The following RASSF9 variants were observed in gnomAD, a reference collection of about 807,000 sequenced individuals.
RASSF9 encodes the protein Ras association domain family member 9.
In RASSF9, 18 loss-of-function variants were observed where a neutral mutation model predicts 21.4. That is an observed-to-expected ratio of 0.84 (90% CI 0.58 to 1.25). The LOEUF is 1.25. RASSF9 is among the 50% of genes most tolerant of loss of function. The pLI is 0.00. For missense variants in RASSF9, 480 were observed against 503.2 expected (o/e 0.95, Z 0.44); for synonymous variants, 183 against 179.1 (o/e 1.02, Z -0.18).
At chr12:85,810,936 T>C (rs753923331) in intron 1 of RASSF9, among the ~76,000 whole-genome samples, 12 of 151,878 alleles carry the variant, frequency 7.9e-5, no homozygotes, top group Non-Finnish European at 1.3e-4. Flanking sequence ...TGTGTGTGTT[T>C]GTTGGGGCTG....
chr12:85,807,628 TC>T (rs113135945), intron 1 of RASSF9, among the ~76,000 whole-genome samples: 1 of 151,566 alleles, frequency 6.6e-6, no homozygotes, highest in African/African-American at 2.4e-5. Flanking sequence ...GACAGATAGA[TC>T]CCCCCTACCC....
chr12:85,823,845 C>T (rs2136560266), intron 1 of RASSF9, among the ~76,000 whole-genome samples: 1 of 152,286 alleles, frequency 6.6e-6, no homozygotes, highest in African/African-American at 2.4e-5. Flanking sequence ...AGCAGAAGAA[C>T]CAGTCTTGCT....
chr12:85,809,519 T>G (rs960475309), intron 1 of RASSF9, among the ~76,000 whole-genome samples: 6 of 152,008 alleles, frequency 3.9e-5, no homozygotes, highest in Admixed American at 1.3e-4. Context: ...CTGACAAAAC[T>G]CTCATGTAAC....
chr12:85,824,141 T>C (rs144449514), intron 1 of RASSF9, among the ~76,000 whole-genome samples: 1 of 152,310 alleles, frequency 6.6e-6, no homozygotes, highest in Non-Finnish European at 1.5e-5. Flanking sequence ...TTCATTTTCA[T>C]AACTTACAGA....
At chr12:85,817,835 A>G (rs1158867501) in intron 1 of RASSF9, among the ~76,000 whole-genome samples, 1 of 152,208 alleles carries the variant, frequency 6.6e-6, no homozygotes, top group East Asian at 1.9e-4. Context: ...ACTAGAAATC[A>G]TAAGATATGC....
Position 85,804,886 on chromosome 12 carries a change from C to T in RASSF9, c.1124G>A (p.Cys375Tyr), listed in dbSNP as rs1879782799. The T allele has an allele frequency of 6.2e-7, 1 of 1,613,780 alleles. No homozygotes were observed. Among genetic ancestry groups the T allele is most frequent in the African/African-American group, 1.3e-5 (1 of 75,052 alleles). ...NSLHISNKDG[C>Y]QLKENRAKES... ...CTTCGCTCTGTTTTCCTTTAACTGG[C>T]ACCCATCTTTGTTGCTAATGTGAAG... Residue 375 changes from cysteine (C) to tyrosine (Y), a missense_variant, in exon 2 of 2, where the codon TGC (cysteine) becomes TAC (tyrosine). Transcript: ENST00000361228.
At position 85,805,768 on chromosome 12, in the gene RASSF9, T is replaced by C. The variant is rs747712517; in HGVS notation, c.242A>G (p.Glu81Gly). The change falls in exon 2 of 2, where the codon GAG becomes GGG. Residue 81 changes from glutamate (E) to glycine (G), a missense_variant. Glu to Gly is a moderately conservative substitution (Grantham distance 98). Transcript: ENST00000361228. ...LGKPSDYCII[E>G]KWRGSERVLP... ...AACCCTTTCGGAGCCTCTCCACTTCTCTATGATGCAGTAATCACTGGGCTT... is the reference window on the plus strand; with the variant it reads ...AACCCTTTCGGAGCCTCTCCACTTCCCTATGATGCAGTAATCACTGGGCTT... 15 of 1,613,766 alleles carry C rather than the reference T, an allele frequency of 9.3e-6. No individual in the cohort carries two copies. Among genetic ancestry groups the C allele is most frequent in the Non-Finnish European group, 1.2e-5 (14 of 1,179,890 alleles).
chr12:85,812,427 T>C (rs2136553435), intron 1 of RASSF9, among the ~76,000 whole-genome samples: 1 of 151,372 alleles, frequency 6.6e-6, no homozygotes, highest in South Asian at 2.1e-4. Context: ...TTAAAGTTCA[T>C]AATGCTATAA....
At chr12:85,833,160 C>T (rs1880487517) in intron 1 of RASSF9, among the ~76,000 whole-genome samples, 1 of 151,612 alleles carries the variant, frequency 6.6e-6, no homozygotes, top group East Asian at 1.9e-4. Flanking sequence ...ATTATGTGTC[C>T]ATCTCTTTAG....
chr12:85,804,479 T>A lies in RASSF9; in HGVS notation c.*223A>T. ...TTCTGTGTTCTACAACGACAAGCTA[T>A]TTGTGCTGCATTCGTGATAAATAGT... is the stretch of plus-strand genomic sequence containing the variant. On this transcript the variant is annotated 3_prime_UTR_variant, in exon 2 of 2. Coordinates refer to ENST00000361228, the MANE Select transcript of RASSF9 (RefSeq NM_005447.4). 1 of 445,434 alleles carries A rather than the reference T, an allele frequency of 2.2e-6. No individual in the cohort carries two copies. The highest frequency in any genetic ancestry group is 3.9e-6 in the Non-Finnish European group (1 of 254,416). 27.6% of individuals were successfully genotyped at this position (445,434 alleles called of 1,614,324 possible).
chr12:85,829,523 T>C (rs1375673267), intron 1 of RASSF9, among the ~76,000 whole-genome samples: 1 of 152,136 alleles, frequency 6.6e-6, no homozygotes, highest in Non-Finnish European at 1.5e-5. Flanking sequence ...AAACTGACCA[T>C]ATTACTGCCC....
At chr12:85,824,443 T>C (rs1880284509) in intron 1 of RASSF9, among the ~76,000 whole-genome samples, 1 of 152,330 alleles carries the variant, frequency 6.6e-6, no homozygotes, top group African/African-American at 2.4e-5. Context: ...TCTGTTTTAC[T>C]ATATATTACT....
At position 85,814,976 on chromosome 12, in the gene RASSF9, G is replaced by A. The variant is rs1021667458; in HGVS notation, c.48-9014C>T. Among the ~76,000 whole-genome samples the A allele has an allele frequency of 9.9e-5, 15 of 152,022 alleles. 1 individual carries two copies. Among genetic ancestry groups the A allele is most frequent in the African/African-American group, 3.6e-4 (15 of 41,412 alleles). On this transcript the variant is annotated intron_variant, in intron 1 of 1. Coordinates refer to ENST00000361228, the MANE Select transcript of RASSF9 (RefSeq NM_005447.4). ...GGTAGGGCTGTGAGTCAGCACAATA[G>A]GTTATTGCAATTCTCTTATATGCCC...
intron 1 of RASSF9, among the ~76,000 whole-genome samples, chr12:85,817,081 C>T (rs1009638248): frequency 6.6e-6 from 1 of 152,078 alleles, no homozygotes; most frequent in African/African-American, 2.4e-5. Flanking sequence ...GAAATTCATA[C>T]TGCTTTGAAT....
intron 1 of RASSF9, among the ~76,000 whole-genome samples, chr12:85,818,433 G>A (rs1032023509): frequency 3.9e-5 from 6 of 152,134 alleles, no homozygotes; most frequent in African/African-American, 7.2e-5. Context: ...TAATCAATAT[G>A]TTTTAGTAAG....
intron 1 of RASSF9, among the ~76,000 whole-genome samples, chr12:85,830,193 G>A (rs1356567642): frequency 2.0e-5 from 3 of 152,048 alleles, no homozygotes; most frequent in African/African-American, 7.2e-5. Flanking sequence ...GTGTTCTAGG[G>A]GGATGAGGGG....
chr12:85,810,894 T>TA (rs773465056), intron 1 of RASSF9, among the ~76,000 whole-genome samples: 9 of 144,800 alleles, frequency 6.2e-5, no homozygotes, highest in Admixed American at 2.7e-4. Flanking sequence ...ATTGCATGTG[T>TA]AAAATTGTTA....
intron 1 of RASSF9, among the ~76,000 whole-genome samples, chr12:85,822,312 T>C (rs1880228770): frequency 1.3e-5 from 2 of 152,174 alleles, no homozygotes; most frequent in Non-Finnish European, 2.9e-5. Flanking sequence ...ACATAAGTCA[T>C]ATGCAGGAAT....
rs188148411 is a variant in RASSF9 at position 85,813,510 on chromosome 12, G to A, written c.48-7548C>T. ...TATGATATTGTAACATCAAATTGGA[G>A]ATTCAACAGAATTTATATTTACAGA... On this transcript the variant is annotated intron_variant, in intron 1 of 1. Coordinates refer to ENST00000361228, the MANE Select transcript of RASSF9 (RefSeq NM_005447.4). Among the ~76,000 whole-genome samples, 379 of 151,950 alleles carry A rather than the reference G, an allele frequency of 2.5e-3. 4 individuals are homozygous for A. Among genetic ancestry groups the A allele is most frequent in the African/African-American group, 8.6e-3 (357 of 41,504 alleles).
Sources: allele counts gnomAD v4.1 joint callset (sites outside exome capture counted in the v4.1 genomes callset), GRCh38; gene constraint gnomAD v4.1.1; transcripts MANE v1.5; gene names NCBI Gene and HGNC (gene_info 2026-07-23, HGNC 2026-07-21).